FOXP2: variants seen among roughly 807,000 people sequenced by gnomAD.
FOXP2 encodes forkhead box protein P2.
Under a neutral mutation model 115.8 loss-of-function variants are expected in FOXP2, and 12 were observed. That is an observed-to-expected ratio of 0.10 (90% CI 0.07 to 0.17). The LOEUF (loss-of-function observed/expected upper bound fraction) is 0.17. Among genes scored for constraint, FOXP2 ranks in the 10% least tolerant of loss-of-function variants. The pLI, the probability that FOXP2 is intolerant of heterozygous loss-of-function variation, is 1.00. For synonymous variants in FOXP2, 328 were observed against 297.7 expected (o/e 1.10, Z -1.05); for missense variants, 629 against 843.5 (o/e 0.75, Z 3.15).
rs28582535 is a variant in FOXP2 at position 114,653,854 on chromosome 7, G to T, written c.1183-72G>T. The T allele has an allele frequency of 2.5e-3, 3,496 of 1,413,994 alleles. 71 individuals carry two copies. In the African/African-American group the frequency reaches 0.042, roughly 17 times the overall value. 87.6% of individuals were successfully genotyped at this position (1,413,994 alleles called of 1,614,324 possible). ...TATTCTGAGGCAAGCTCAATGATAA[G>T]ATGTATCACTGCAATAAAATAGCTG... On this transcript the variant is annotated intron_variant, in intron 9 of 16. Coordinates refer to ENST00000350908, the MANE Select transcript of FOXP2 (RefSeq NM_014491.4).
At chr7:114,243,706 C>T (rs1562832733) in intron 1 of FOXP2, among the ~76,000 whole-genome samples, 1 of 152,048 alleles carries the variant, frequency 6.6e-6, no homozygotes, top group Non-Finnish European at 1.5e-5. Context: ...GAAAATAATG[C>T]TATGTTCCAT....
intron 3 of FOXP2, among the ~76,000 whole-genome samples, chr7:114,606,148 T>C (rs1259072840): frequency 6.6e-6 from 1 of 152,164 alleles, no homozygotes; most frequent in Non-Finnish European, 1.5e-5. Context: ...AAAAATTACC[T>C]TGGGGTATTA....
intron 3 of FOXP2, among the ~76,000 whole-genome samples, chr7:114,551,011 C>T (rs1323595537): frequency 6.6e-6 from 1 of 151,992 alleles, no homozygotes; most frequent in African/African-American, 2.4e-5. Flanking sequence ...CTTGATATTC[C>T]ATACAAGTAG....
At chr7:114,224,535 A>T (rs573285792) in intron 1 of FOXP2, among the ~76,000 whole-genome samples, 1 of 152,300 alleles carries the variant, frequency 6.6e-6, no homozygotes, top group East Asian at 1.9e-4. Flanking sequence ...CTCCATCAAC[A>T]TTTATATTAT....
At chr7:114,545,000 C>T (rs1799847837) in intron 3 of FOXP2, among the ~76,000 whole-genome samples, 1 of 152,100 alleles carries the variant, frequency 6.6e-6, no homozygotes, top group South Asian at 2.1e-4. Flanking sequence ...GGGTCTATCC[C>T]AGACTACTGA....
chr7:114,259,996 T>C (rs1468414473), intron 1 of FOXP2, among the ~76,000 whole-genome samples: 1 of 152,068 alleles, frequency 6.6e-6, no homozygotes, highest in Admixed American at 6.6e-5. Context: ...TTCAAGCGGT[T>C]CTCTTGCCTC....
In FOXP2 at chr7:114,382,516, G is replaced by T. The variant is rs558958956; in HGVS notation, c.-10-43986G>T. On this transcript the variant is annotated intron_variant, in intron 2 of 17. Coordinates refer to the FOXP2 transcript ENST00000634411. The stretch of plus-strand genomic sequence containing the variant: ...CCACACTGGAAGCAAGCCCTATTAG[G>T]CATTCGATTTGCCCAGCTTTTCCCT... 1.1e-4 allele frequency among the ~76,000 whole-genome samples: 17 copies of T among 152,184 alleles called. No individual in the cohort carries two copies. In the East Asian group the frequency reaches 1.7e-3, roughly 16 times the overall value.
chr7:114,432,529 C>G (rs1794157341), intron 2 of FOXP2, among the ~76,000 whole-genome samples: 1 of 151,870 alleles, frequency 6.6e-6, no homozygotes, highest in Non-Finnish European at 1.5e-5. Flanking sequence ...TAATAATTTT[C>G]TAGAATTTAT....
chr7:114,418,323 A>T (rs1391001491), intron 1 of FOXP2, among the ~76,000 whole-genome samples: 1 of 151,948 alleles, frequency 6.6e-6, no homozygotes, highest in African/African-American at 2.4e-5. Flanking sequence ...ATGACAACAT[A>T]AATCAGCCCT....
At chr7:114,122,884 C>T (rs1791603569) in intron 1 of FOXP2, among the ~76,000 whole-genome samples, 2 of 151,776 alleles carry the variant, frequency 1.3e-5, no homozygotes, top group Admixed American at 6.6e-5. Flanking sequence ...ATGATTTTTC[C>T]GGTAAGCATA....
At chr7:114,604,956 T>C (rs751787054) in intron 3 of FOXP2, among the ~76,000 whole-genome samples, 8 of 152,180 alleles carry the variant, frequency 5.3e-5, no homozygotes, top group Non-Finnish European at 8.8e-5. Context: ...ATCTTGATCT[T>C]TCTGAGCCCA....
chr7:114,115,762 C>T (rs995065200), intron 1 of FOXP2, among the ~76,000 whole-genome samples: 10 of 152,092 alleles, frequency 6.6e-5, no homozygotes, highest in South Asian at 2.1e-4. Flanking sequence ...AGCTGATTAA[C>T]GTTTACCTGT....
At chr7:114,357,324 C>A (rs1791640819) in intron 2 of FOXP2, among the ~76,000 whole-genome samples, 1 of 152,112 alleles carries the variant, frequency 6.6e-6, no homozygotes, top group Admixed American at 6.6e-5. Flanking sequence ...AAGTTATAGG[C>A]AATGCAGTTC....
At chr7:114,100,788 A>T (rs1790923516) in intron 1 of FOXP2, among the ~76,000 whole-genome samples, 1 of 152,158 alleles carries the variant, frequency 6.6e-6, no homozygotes, top group Admixed American at 6.6e-5. Flanking sequence ...TGAAATTTTA[A>T]TGGCTAACAT....
At chr7:114,120,698 A>ATGCGTGTGTGTG in intron 1 of FOXP2, among the ~76,000 whole-genome samples, 1 of 149,428 alleles carries the variant, frequency 6.7e-6, no homozygotes, top group Middle Eastern at 3.4e-3. Context: ...GTGTATATGT[A>ATGCGTGTGTGTG]TGTGTGTGTG....
intron 2 of FOXP2, among the ~76,000 whole-genome samples, chr7:114,322,049 T>A (rs1797437280): frequency 7.0e-6 from 1 of 143,754 alleles, no homozygotes; most frequent in African/African-American, 2.6e-5. Context: ...TGAGATAGGG[T>A]CTGGCTCTGT....
At chr7:114,650,816 A>C (rs1806206853) in intron 8 of FOXP2, among the ~76,000 whole-genome samples, 1 of 151,920 alleles carries the variant, frequency 6.6e-6, no homozygotes, top group African/African-American at 2.4e-5. Flanking sequence ...TTTCTCTTCA[A>C]CCAAGACTGA....
chr7:114,246,978 A>G (rs1037649201), intron 1 of FOXP2, among the ~76,000 whole-genome samples: 1 of 152,154 alleles, frequency 6.6e-6, no homozygotes, highest in Non-Finnish European at 1.5e-5. Flanking sequence ...AATATTTCAC[A>G]TTTGGCTTTC....
rs3028257 is a variant in FOXP2, at chr7:114,581,075, GCACACA to G, written c.258+46396_258+46401del. On this transcript the variant is annotated intron_variant, in intron 3 of 16. Transcript: ENST00000350908. ...AGAAGATACACTCACATAAACACATGCACACACACACACACACACACACACACACAC... is the reference window on the plus strand; with the variant it reads ...AGAAGATACACTCACATAAACACATGCACACACACACACACACACACACAC... Among the ~76,000 whole-genome samples the G allele has an allele frequency of 5.9e-3, 858 of 144,762 alleles. 8 individuals carry two copies. Among genetic ancestry groups the G allele is most frequent in the African/African-American group, 0.018 (717 of 39,052 alleles). 95.0% of individuals were successfully genotyped at this position (144,762 alleles called of 152,430 possible).
Sources: allele counts gnomAD v4.1 joint callset (sites outside exome capture counted in the v4.1 genomes callset), GRCh38; gene constraint gnomAD v4.1.1; transcripts MANE v1.5; gene names NCBI Gene and HGNC (gene_info 2026-07-23, HGNC 2026-07-21).